MEGF11: variants seen among roughly 807,000 people sequenced by gnomAD.
The protein encoded by MEGF11 is multiple EGF like domains 11.
Under a neutral mutation model 146.6 loss-of-function variants are expected in MEGF11, and 126 were observed. The ratio of observed to expected loss-of-function variants is 0.86; its 90% confidence interval spans 0.74 to 1.00. The LOEUF (loss-of-function observed/expected upper bound fraction) is 1.00, where lower values mean the gene tolerates loss of function less well. Among genes scored for constraint, MEGF11 ranks in the 50% least tolerant of loss-of-function variants. MEGF11 has a pLI of 0.00. For missense variants in MEGF11, 1,509 were observed against 1,521.2 expected (o/e 0.99, Z 0.13); for synonymous variants, 532 against 583.4 (o/e 0.91, Z 1.27).
At chr15:66,017,054 C>T (rs28505203) in intron 5 of MEGF11, among the ~76,000 whole-genome samples, 2,588 of 152,242 alleles carry the variant, frequency 0.017, 66 homozygotes, top group African/African-American at 0.057. Flanking sequence ...CCTGTCCTTC[C>T]CAAGTTAAGT....
chr15:66,148,659 C>A (rs753895708), intron 1 of MEGF11, among the ~76,000 whole-genome samples: 1 of 152,218 alleles, frequency 6.6e-6, no homozygotes, highest in African/African-American at 2.4e-5. Flanking sequence ...GCCTGCCCAG[C>A]CAGTGCCCCC....
intron 5 of MEGF11, among the ~76,000 whole-genome samples, chr15:66,062,852 T>C (rs527251340): frequency 6.6e-6 from 1 of 152,338 alleles, no homozygotes; most frequent in South Asian, 2.1e-4. Context: ...GAGGTCAGCA[T>C]AGCTGGAGCA....
chr15:66,084,775 T>C (rs1411830970), intron 5 of MEGF11, among the ~76,000 whole-genome samples: 1 of 152,112 alleles, frequency 6.6e-6, no homozygotes, highest in Non-Finnish European at 1.5e-5. Flanking sequence ...TGTAACAACT[T>C]GAACGGGGCG....
chr15:65,917,408 T>C (rs1274117703), intron 16 of MEGF11, among the ~76,000 whole-genome samples: 1 of 152,212 alleles, frequency 6.6e-6, no homozygotes, highest in African/African-American at 2.4e-5. Flanking sequence ...CTCAGCCATC[T>C]AACTAGGACC....
intron 5 of MEGF11, chr15:66,040,161 T>A (rs986625789): frequency 6.5e-6 from 1 of 154,906 alleles, no homozygotes; most frequent in Non-Finnish European, 1.5e-5. Context: ...GGAAGACAAA[T>A]GTAACCCAGT....
chr15:65,919,622 G>C (rs1291443900), intron 15 of MEGF11, among the ~76,000 whole-genome samples: 1 of 152,186 alleles, frequency 6.6e-6, no homozygotes, highest in Non-Finnish European at 1.5e-5. Flanking sequence ...AGGCAGAGTT[G>C]CCACAAACCT....
intron 1 of MEGF11, among the ~76,000 whole-genome samples, chr15:66,208,094 AAAAAAAAG>A (rs2091348332): frequency 6.6e-6 from 1 of 152,144 alleles, no homozygotes; most frequent in South Asian, 2.1e-4. Context: ...CAGAAAAAAA[AAAAAAAAG>A]AAGAAGAAGC....
At chr15:66,199,626 A>G (rs1335773479) in intron 1 of MEGF11, among the ~76,000 whole-genome samples, 1 of 152,152 alleles carries the variant, frequency 6.6e-6, no homozygotes, top group African/African-American at 2.4e-5. Flanking sequence ...AACACTAACA[A>G]AAAAATTTAA....
chr15:66,178,044 C>T (rs2090438070), intron 1 of MEGF11, among the ~76,000 whole-genome samples: 1 of 152,020 alleles, frequency 6.6e-6, no homozygotes, highest in Non-Finnish European at 1.5e-5. Context: ...AGTGCAGTGG[C>T]ACTATCACAT....
At chr15:66,087,510 C>T (rs1225473926) in intron 5 of MEGF11, among the ~76,000 whole-genome samples, 2 of 152,194 alleles carry the variant, frequency 1.3e-5, no homozygotes, top group East Asian at 3.8e-4. Flanking sequence ...TGGAAATCAA[C>T]TCCAAAAGGA....
chr15:65,991,362 G>T (rs16949216), intron 5 of MEGF11, among the ~76,000 whole-genome samples: 33,561 of 152,074 alleles, frequency 0.22, 4,096 homozygotes, highest in East Asian at 0.59. Context: ...AGGATCTGAG[G>T]TAAACCATGT....
chr15:65,902,194 G>C (rs1220533906), intron 24 of MEGF11: 1 of 152,228 alleles, frequency 6.6e-6, no homozygotes, highest in African/African-American at 2.4e-5. Context: ...AAGAACCTCG[G>C]CCAGTTGATA....
intron 10 of MEGF11, among the ~76,000 whole-genome samples, chr15:65,955,218 C>G (rs1264329606): frequency 6.6e-6 from 1 of 152,098 alleles, no homozygotes; most frequent in African/African-American, 2.4e-5. Flanking sequence ...CAATTATTCT[C>G]TCCTACCCAA....
chr15:66,221,782 G>C (rs1193606814), intron 1 of MEGF11, among the ~76,000 whole-genome samples: 2 of 151,982 alleles, frequency 1.3e-5, no homozygotes, highest in Non-Finnish European at 2.9e-5. Context: ...ATTAAACTTT[G>C]GGGTAAAATT....
chr15:66,200,472 G>A (rs11637021), intron 1 of MEGF11, among the ~76,000 whole-genome samples: 32,174 of 152,018 alleles, frequency 0.21, 4,110 homozygotes, highest in South Asian at 0.35. Context: ...TGGTTTCTTC[G>A]AGAGAAATGA....
At chr15:66,219,719 C>G (rs1021946293) in intron 1 of MEGF11, among the ~76,000 whole-genome samples, 4 of 139,494 alleles carry the variant, frequency 2.9e-5, no homozygotes, top group Admixed American at 7.3e-5. Context: ...CAAAAAAAAA[C>G]GTATCTACCA....
intron 1 of MEGF11, among the ~76,000 whole-genome samples, chr15:66,224,347 G>A (rs568476827): frequency 8.1e-4 from 124 of 152,192 alleles, no homozygotes; most frequent in African/African-American, 2.8e-3. Flanking sequence ...GGCCAAGGCA[G>A]GTGGATCACT....
At chr15:65,929,641 C>T in intron 12 of MEGF11, 79 bp downstream of exon 12, 1 of 1,481,976 alleles carries the variant, frequency 6.7e-7, no homozygotes, top group Non-Finnish European at 9.1e-7. Context: ...TCTGTGCACT[C>T]TTGTGGACGA....
chr15:66,004,449 T>C (rs1025005800), intron 5 of MEGF11, among the ~76,000 whole-genome samples: 1 of 152,098 alleles, frequency 6.6e-6, no homozygotes, highest in Non-Finnish European at 1.5e-5. Context: ...AAAAAGAATC[T>C]GGGGCAAATA....
Sources: allele counts gnomAD v4.1 joint callset (sites outside exome capture counted in the v4.1 genomes callset), GRCh38; gene constraint gnomAD v4.1.1; transcripts MANE v1.5; gene names NCBI Gene and HGNC (gene_info 2026-07-23, HGNC 2026-07-21).